Variants in EIF3A observed in about 807,000 individuals in gnomAD.
EIF3A encodes the protein EIF3, p180 subunit.
A neutral mutation model predicts 186.6 loss-of-function variants in EIF3A; 21 were observed. That is an observed-to-expected ratio of 0.11 (90% confidence interval 0.08 to 0.16). EIF3A has a LOEUF of 0.16. Ranked by LOEUF, EIF3A falls within the 10% of genes least tolerant of loss-of-function variation. EIF3A has a pLI of 1.00. For missense variants in EIF3A, 1,306 were observed against 1,796.3 expected (o/e 0.73, Z 4.93); for synonymous variants, 563 against 584.3 (o/e 0.96, Z 0.52).
At chr10:119,048,065 G>A (rs1848304410) in intron 17 of EIF3A, among the ~76,000 whole-genome samples, 1 of 151,784 alleles carries the variant, frequency 6.6e-6, no homozygotes, top group Admixed American at 6.6e-5. Context: ...TGACTAAGAA[G>A]AAAATAGTGT....
At chr10:119,075,625 G>GC (rs1380827569) in intron 1 of EIF3A, among the ~76,000 whole-genome samples, 8 of 126,884 alleles carry the variant, frequency 6.3e-5, no homozygotes, top group Non-Finnish European at 3.3e-5. Context: ...AAAAAAAGGG[G>GC]GGGAGCTTAA....
intron 14 of EIF3A, among the ~76,000 whole-genome samples, chr10:119,052,146 G>C (rs1848364872): frequency 1.3e-5 from 2 of 152,120 alleles, no homozygotes; most frequent in South Asian, 2.1e-4. Flanking sequence ...ATTTCAATTT[G>C]ATCCAATCCT....
At position 119,037,069 on chromosome 10, in the gene EIF3A, C is replaced by G. The variant is rs200576099; in HGVS notation, c.3919+50G>C. 118 of 941,406 alleles carry G rather than the reference C, an allele frequency of 1.3e-4. 13 individuals carry two copies. Among genetic ancestry groups the G allele is most frequent in the African/African-American group, 7.1e-4 (43 of 60,478 alleles). 58.3% of individuals were successfully genotyped at this position (941,406 alleles called of 1,614,324 possible). A position where few individuals can be genotyped will look rare whatever the true frequency, so the allele number is the denominator to read the frequency against. On this transcript the variant is annotated intron_variant, in intron 21 of 21. Transcript: ENST00000369144. ...AATTAAATAACCCAAATCCCCCCCC[C>G]CCCAGAAACGACAGTTCTCCAATAC... is the stretch of plus-strand genomic sequence containing the variant.
intron 6 of EIF3A, among the ~76,000 whole-genome samples, chr10:119,069,119 T>C (rs189301484): frequency 4.6e-5 from 7 of 152,352 alleles, no homozygotes; most frequent in Non-Finnish European, 8.8e-5. Flanking sequence ...ATTGGGCTTT[T>C]AGCGGAGTTA....
rs761540126 is a variant in EIF3A, at chr10:119,042,338, C to T, written c.3182G>A (p.Arg1061His). Residue 1061 changes from arginine to histidine, a missense_variant, in exon 19 of 22, where the codon CGT becomes CAT. By Grantham distance (29) the Arg-to-His change is conservative. Coordinates refer to ENST00000369144, the MANE Select transcript of EIF3A (RefSeq NM_003750.4). The surrounding 1 kb of genome is among the most constrained non-coding windows in gnomAD (Gnocchi z 7.8). ...GGADDERSSW[R>H]NADDDRGPRR... The stretch of plus-strand genomic sequence containing the variant: ...GGGACCCCGGTCATCATCAGCATTA[C>T]GCCAGGATGATCGCTCATCATCAGC... 37 of 1,613,746 alleles carry T rather than the reference C, an allele frequency of 2.3e-5. No individual in the cohort carries two copies. The highest frequency in any genetic ancestry group is 2.4e-5 in the Non-Finnish European group (28 of 1,179,944).
Position 119,036,270 on chromosome 10 carries a change from T to TA in EIF3A, c.3920-3dup. On this transcript the variant is annotated splice_region_variant and splice_polypyrimidine_tract_variant and intron_variant, in intron 21 of 21. Transcript: ENST00000369144. ...CATCAGCACGTCTCCAAGAACTTAC[T>TA]AAAAAGTTTAATTAAAAAAAAAAAA... 6.3e-7 allele frequency: 1 copy of TA among 1,595,710 alleles called. No homozygotes were observed. Among genetic ancestry groups the TA allele is most frequent in the Non-Finnish European group, 8.5e-7 (1 of 1,172,988 alleles).
chr10:119,049,747 C>CAAAA (rs80329813), intron 17 of EIF3A, 54 bp downstream of exon 17: 28 of 1,156,686 alleles, frequency 2.4e-5, no homozygotes, highest in Non-Finnish European at 3.2e-5. Flanking sequence ...GTGCCTCAAC[C>CAAAA]AAAAAAAAAA....
At chr10:119,038,136 C>G (rs764539919) in intron 20 of EIF3A, 102 bp downstream of exon 20, 16 of 1,023,738 alleles carry the variant, frequency 1.6e-5, no homozygotes, top group Admixed American at 6.0e-5. Flanking sequence ...AGGCTGCTCT[C>G]GAACTCCTGA....
intron 19 of EIF3A, among the ~76,000 whole-genome samples, chr10:119,041,584 GTAAAA>G (rs1848209905): frequency 6.6e-6 from 1 of 152,130 alleles, no homozygotes; most frequent in Non-Finnish European, 1.5e-5. Context: ...AAAAAGTAAA[GTAAAA>G]TGAGTTCCTC....
At chr10:119,067,231 G>A (rs1200522459) in intron 6 of EIF3A, among the ~76,000 whole-genome samples, 2 of 151,504 alleles carry the variant, frequency 1.3e-5, no homozygotes, top group Non-Finnish European at 2.9e-5. Context: ...AAAAAAAAAG[G>A]ATGTGAATTA....
chr10:119,050,312 T>C lies in EIF3A; in HGVS notation c.2473+209A>G, dbSNP rs531821486. ...ATACGGTGATTAAAAAAAGTATTAA[T>C]TTCTAGAAGAACATCAAATGTGTGG... is the stretch of plus-strand genomic sequence containing the variant. On this transcript the variant is annotated intron_variant, in intron 16 of 21. Transcript: ENST00000369144. 2.0e-5 allele frequency among the ~76,000 whole-genome samples: 3 copies of C among 152,316 alleles called. No homozygotes were observed. In the East Asian group the frequency reaches 5.8e-4, roughly 29 times the overall value.
At chr10:119,080,516 G>A (rs1297585104) in intron 1 of EIF3A, 112 bp downstream of exon 1, 37 of 1,421,984 alleles carry the variant, frequency 2.6e-5, no homozygotes, top group Non-Finnish European at 3.3e-5. Context: ...GGCCGCATCG[G>A]TCTCCTCTCC....
chr10:119,059,548 G>A, intron 10 of EIF3A, 54 bp downstream of exon 10: 1 of 1,428,148 alleles, frequency 7.0e-7, no homozygotes, highest in Non-Finnish European at 9.9e-7. Flanking sequence ...CAGAAGGTAT[G>A]TGTCTTTCTA....
At chr10:119,066,850 GCTCA>G (rs1293650300) in intron 6 of EIF3A, among the ~76,000 whole-genome samples, 2 of 152,138 alleles carry the variant, frequency 1.3e-5, no homozygotes, top group Non-Finnish European at 2.9e-5. Context: ...ACAGCCTAAT[GCTCA>G]CTATTATTGT....
intron 14 of EIF3A, among the ~76,000 whole-genome samples, chr10:119,055,001 G>A (rs898279824): frequency 6.6e-6 from 1 of 152,152 alleles, no homozygotes; most frequent in African/African-American, 2.4e-5. Flanking sequence ...CTTGAGGTCA[G>A]GAGTTCAAGA....
chr10:119,066,061 AGCCAAGATCGC>A (rs973346573), intron 6 of EIF3A, among the ~76,000 whole-genome samples: 6 of 151,852 alleles, frequency 4.0e-5, no homozygotes, highest in Non-Finnish European at 7.4e-5. Flanking sequence ...GCTTGCAGTG[AGCCAAGATCGC>A]GCCACTGCAC....
At chr10:119,069,754 A>G (rs1210039315) in intron 5 of EIF3A, 100 bp from the exon 6 acceptor site, 1 of 676,252 alleles carries the variant, frequency 1.5e-6, no homozygotes, top group African/African-American at 1.8e-5. Context: ...ACATAAAAAT[A>G]GCAAATAAAA....
At chr10:119,046,532 T>C (rs1848284576) in intron 17 of EIF3A, among the ~76,000 whole-genome samples, 1 of 152,216 alleles carries the variant, frequency 6.6e-6, no homozygotes, top group Admixed American at 6.5e-5. Context: ...AATGTGTAAA[T>C]ATCTAGAAGC....
At position 119,079,302 on chromosome 10, in the gene EIF3A, T is replaced by C. The variant is rs557024029; in HGVS notation, c.49+1326A>G. Among the ~76,000 whole-genome samples, 14 of 152,284 alleles carry C rather than the reference T, an allele frequency of 9.2e-5. No individual in the cohort carries two copies. The South Asian group carries it at 2.9e-3, about 32-fold the overall frequency. On this transcript the variant is annotated intron_variant, in intron 1 of 21. Coordinates refer to ENST00000369144, the MANE Select transcript of EIF3A (RefSeq NM_003750.4). ...GGAATTATCCTATTCCACAGACCAGTTCCCTCCCCGACAAAAAGTGTTACT... is the reference window on the plus strand; with the variant it reads ...GGAATTATCCTATTCCACAGACCAGCTCCCTCCCCGACAAAAAGTGTTACT...
Sources: allele counts gnomAD v4.1 joint callset (sites outside exome capture counted in the v4.1 genomes callset), GRCh38; gene constraint gnomAD v4.1.1; non-coding constraint Gnocchi (gnomAD v3.1); transcripts MANE v1.5; gene names NCBI Gene and HGNC (gene_info 2026-07-23, HGNC 2026-07-21).